The following SPATA17 variants were observed in gnomAD, a reference collection of about 807,000 sequenced individuals.
The protein encoded by SPATA17 is spermatogenesis-associated protein 17.
In SPATA17, 53 loss-of-function variants were observed where a neutral mutation model predicts 62.2. The observed-to-expected ratio is 0.85, with a 90% CI of 0.68 to 1.07. The LOEUF is 1.07. Among genes scored for constraint, SPATA17 ranks in the 50% least tolerant of loss-of-function variants. The pLI, the probability that SPATA17 is intolerant of heterozygous loss-of-function variation, is 0.00. For missense variants in SPATA17, 466 were observed against 425.5 expected (o/e 1.10, Z -0.84); for synonymous variants, 146 against 146.8 (o/e 0.99, Z 0.04).
chr1:217,863,638 G>T (rs1055648501), intron 10 of SPATA17, among the ~76,000 whole-genome samples: 33 of 151,998 alleles, frequency 2.2e-4, no homozygotes, highest in Non-Finnish European at 7.4e-5. Flanking sequence ...TCAATGTTTA[G>T]AAGATATATA....
intron 9 of SPATA17, among the ~76,000 whole-genome samples, chr1:217,840,507 T>C (rs1369949347): frequency 6.6e-6 from 1 of 152,102 alleles, no homozygotes; most frequent in Non-Finnish European, 1.5e-5. Flanking sequence ...GTATCTCAAC[T>C]AGCTCTTTAA....
In SPATA17 at chr1:217,669,042, T is replaced by C. The variant is rs773002963; in HGVS notation, c.250T>C (p.Tyr84His). The change falls in exon 4 of 11, where the codon TAT (tyrosine) becomes CAT (histidine). Residue 84 changes from tyrosine (Y) to histidine (H), a missense_variant. Physicochemically the swap from Tyr to His is moderately conservative, Grantham distance 83. Transcript: ENST00000366933. ...TTTTCTTGATTCACAGGTAGCATAT[T>C]ATACTATGATGATGAATCTCTACAA... ...QYQLTVQVAY[Y>H]TMMMNLYNAM... 20 of 1,611,640 alleles carry C rather than the reference T, an allele frequency of 1.2e-5. No homozygotes were observed. The highest frequency in any genetic ancestry group is 1.6e-5 in the Non-Finnish European group (19 of 1,179,018).
At chr1:217,690,278 A>C (rs1292942812) in intron 5 of SPATA17, among the ~76,000 whole-genome samples, 1 of 151,846 alleles carries the variant, frequency 6.6e-6, no homozygotes, top group East Asian at 1.9e-4. Context: ...TCTACCTTAC[A>C]TTTAATCTTT....
intron 9 of SPATA17, among the ~76,000 whole-genome samples, chr1:217,820,088 A>G (rs1674821863): frequency 6.6e-6 from 1 of 152,064 alleles, no homozygotes; most frequent in Non-Finnish European, 1.5e-5. Flanking sequence ...TTCTCAAGGA[A>G]CATGAGCTTT....
At chr1:217,752,868 C>T (rs559596951) in intron 6 of SPATA17, among the ~76,000 whole-genome samples, 9 of 152,254 alleles carry the variant, frequency 5.9e-5, no homozygotes, top group African/African-American at 1.7e-4. Flanking sequence ...CTCCTATCTA[C>T]ACGGTGGGTG....
intron 9 of SPATA17, among the ~76,000 whole-genome samples, chr1:217,823,364 T>G (rs1170832744): frequency 6.6e-6 from 1 of 152,016 alleles, no homozygotes; most frequent in East Asian, 1.9e-4. Flanking sequence ...AAAGTCTTTT[T>G]CTTTTTCTAG....
At chr1:217,832,672 G>T (rs1214398918) in intron 9 of SPATA17, among the ~76,000 whole-genome samples, 2 of 152,114 alleles carry the variant, frequency 1.3e-5, no homozygotes, top group Non-Finnish European at 2.9e-5. Flanking sequence ...GCTGGGCACA[G>T]TTGCTCATGT....
At chr1:217,716,107 A>G (rs886717564) in intron 5 of SPATA17, among the ~76,000 whole-genome samples, 3 of 152,194 alleles carry the variant, frequency 2.0e-5, no homozygotes, top group Non-Finnish European at 4.4e-5. Flanking sequence ...TGGCAGAAAA[A>G]TATACAGAAC....
chr1:217,697,261 G>T (rs773747054), intron 5 of SPATA17, among the ~76,000 whole-genome samples: 1 of 152,172 alleles, frequency 6.6e-6, no homozygotes, highest in Non-Finnish European at 1.5e-5. Context: ...GATTATAGGC[G>T]TGAGTCGCCG....
At chr1:217,657,653 A>G (rs1489970018) in intron 3 of SPATA17, among the ~76,000 whole-genome samples, 3 of 152,204 alleles carry the variant, frequency 2.0e-5, no homozygotes, top group Non-Finnish European at 4.4e-5. Flanking sequence ...GTCATACAGT[A>G]TATGATTAAG....
chr1:217,860,314 C>G (rs1168203538), intron 9 of SPATA17, among the ~76,000 whole-genome samples: 1 of 151,898 alleles, frequency 6.6e-6, no homozygotes, highest in East Asian at 1.9e-4. Flanking sequence ...GTTTTATGGC[C>G]CAAGATGTGG....
At chr1:217,727,269 A>G (rs963603246) in intron 5 of SPATA17, among the ~76,000 whole-genome samples, 4 of 148,766 alleles carry the variant, frequency 2.7e-5, no homozygotes, top group African/African-American at 9.8e-5. Context: ...TAATAATAAT[A>G]ATAATAATAA....
intron 1 of SPATA17, among the ~76,000 whole-genome samples, chr1:217,643,733 TAA>T: frequency 1.4e-5 from 2 of 147,116 alleles, no homozygotes; most frequent in African/African-American, 2.5e-5. Flanking sequence ...TATATATATA[TAA>T]TTTTTTTTTT....
At chr1:217,700,294 T>C (rs1028264756) in intron 5 of SPATA17, among the ~76,000 whole-genome samples, 3 of 152,226 alleles carry the variant, frequency 2.0e-5, no homozygotes, top group African/African-American at 7.2e-5. Context: ...TATTCACTTA[T>C]TGATATTGTA....
chr1:217,712,525 G>C (rs1288634926), intron 5 of SPATA17, among the ~76,000 whole-genome samples: 1 of 152,002 alleles, frequency 6.6e-6, no homozygotes, highest in Non-Finnish European at 1.5e-5. Context: ...TGGACCTCCA[G>C]AAGTAATGCA....
intron 1 of SPATA17, among the ~76,000 whole-genome samples, chr1:217,636,409 C>CTTA (rs1314184332): frequency 1.3e-5 from 2 of 149,188 alleles, no homozygotes; most frequent in East Asian, 4.0e-4. Flanking sequence ...TTATTATTGA[C>CTTA]TTATTATTAT....
chr1:217,748,996 G>A lies in SPATA17; in HGVS notation c.519+6898G>A, dbSNP rs561871007. Among the ~76,000 whole-genome samples the A allele has an allele frequency of 3.3e-5, 5 of 152,222 alleles. No individual in the cohort carries two copies. In the East Asian group the frequency reaches 7.8e-4, roughly 24 times the overall value. ...TTTGTATATTTGGTATATTTGGAAA[G>A]TACCTTTGGAGAGGCTATACCATTG... On this transcript the variant is annotated intron_variant, in intron 6 of 10. Transcript: ENST00000366933.
intron 9 of SPATA17, among the ~76,000 whole-genome samples, chr1:217,842,111 A>G (rs1675420385): frequency 6.6e-6 from 1 of 151,900 alleles, no homozygotes; most frequent in South Asian, 2.1e-4. Flanking sequence ...ATTCTGTTAT[A>G]GTGAATTATG....
intron 5 of SPATA17, among the ~76,000 whole-genome samples, chr1:217,715,663 G>A (rs1362379694): frequency 1.4e-5 from 2 of 143,918 alleles, no homozygotes; most frequent in East Asian, 2.0e-4. Flanking sequence ...CACTTAGCTT[G>A]TCATGCAAAA....
Sources: allele counts gnomAD v4.1 joint callset (sites outside exome capture counted in the v4.1 genomes callset), GRCh38; gene constraint gnomAD v4.1.1; transcripts MANE v1.5; gene names NCBI Gene and HGNC (gene_info 2026-07-23, HGNC 2026-07-21).